SYNE1: variants seen among roughly 807,000 people sequenced by gnomAD.
The protein encoded by SYNE1 is nesprin-1.
A neutral mutation model predicts 1,111.0 loss-of-function variants in SYNE1; 616 were observed. That is an observed-to-expected ratio of 0.55 (90% CI 0.52 to 0.59). The LOEUF (loss-of-function observed/expected upper bound fraction) is 0.59. SYNE1 is among the 20% of genes least tolerant of loss of function. The pLI, the probability that SYNE1 is intolerant of heterozygous loss-of-function variation, is 0.00. For synonymous variants in SYNE1, 3,855 were observed against 3,825.8 expected, an observed-to-expected ratio of 1.01 and a Z score of -0.28; for missense variants, 10,006 against 10,417.0, an observed-to-expected ratio of 0.96 and a Z score of 1.72.
intron 3 of SYNE1, among the ~76,000 whole-genome samples, chr6:152,603,393 C>T (rs1187315828): frequency 3.9e-5 from 6 of 152,040 alleles, no homozygotes; most frequent in African/African-American, 9.7e-5. Flanking sequence ...TGAGTTTACA[C>T]GATTTTAAAC....
chr6:152,395,424 C>A, intron 51 of SYNE1, 92 bp downstream of exon 51: 1 of 1,376,588 alleles, frequency 7.3e-7, no homozygotes, highest in Non-Finnish European at 1.0e-6. Flanking sequence ...CACAAACCAA[C>A]TAACTAACCA....
chr6:152,219,454 C>T (rs983010899), intron 119 of SYNE1, among the ~76,000 whole-genome samples: 8 of 142,686 alleles, frequency 5.6e-5, no homozygotes, highest in African/African-American at 1.8e-4. Context: ...AGGTTCATTA[C>T]AGGACCTTGG....
At position 152,308,637 on chromosome 6, in the gene SYNE1, GAA is replaced by G. The variant is rs55633181; in HGVS notation, c.17203-7_17203-6del. The G allele has an allele frequency of 0.014, 20,416 of 1,456,672 alleles. 37 individuals are homozygous for G. Among genetic ancestry groups the G allele is most frequent in the Non-Finnish European group, 0.016 (17,611 of 1,086,384 alleles). 90.2% of individuals were successfully genotyped at this position (1,456,672 alleles called of 1,614,324 possible). A position where few individuals can be genotyped will look rare whatever the true frequency, so the allele number is the denominator to read the frequency against. Reference sequence around the variant, plus strand: ...TTCATATTGTACCACAGCTTCCTTTGAAAAAAAAAAAAAACAGAAAGATAGAC... The same window carrying G: ...TTCATATTGTACCACAGCTTCCTTTGAAAAAAAAAAAACAGAAAGATAGAC... On this transcript the variant is annotated splice_region_variant and splice_polypyrimidine_tract_variant and intron_variant, in intron 90 of 145. Transcript: ENST00000367255.
chr6:152,536,909 A>G (rs1303055011), intron 4 of SYNE1, among the ~76,000 whole-genome samples: 1 of 152,184 alleles, frequency 6.6e-6, no homozygotes, highest in East Asian at 1.9e-4. Flanking sequence ...GGTTAAATAA[A>G]TAAGAGATAA....
In SYNE1 at chr6:152,401,287, C is replaced by T. The variant is rs763813886; in HGVS notation, c.6880G>A (p.Val2294Ile). ...AAATCCTTCAGGGTTCCTTTTGCTACTTCAGTTATTTCTTTGGCATGCTCC... is the reference window on the plus strand; with the variant it reads ...AAATCCTTCAGGGTTCCTTTTGCTATTTCAGTTATTTCTTTGGCATGCTCC... ...KLEHAKEITE[V>I]AKGTLKDFTA... Residue 2294 changes from valine to isoleucine, a missense_variant, in exon 47 of 146, where the codon GTA becomes ATA. By Grantham distance (29) the Val-to-Ile change is conservative. Around this residue, in one of 7 missense-constraint regions of SYNE1, gnomAD observed 4,955 missense variants for 5,017.2 expected, o/e 0.99. Transcript: ENST00000367255. 13 of 1,614,094 alleles carry T rather than the reference C, an allele frequency of 8.1e-6. No individual in the cohort carries two copies. Among genetic ancestry groups the T allele is most frequent in the Non-Finnish European group, 9.3e-6 (11 of 1,180,014 alleles).
chr6:152,214,591 G>C (rs928529914), intron 122 of SYNE1, among the ~76,000 whole-genome samples: 2 of 152,114 alleles, frequency 1.3e-5, no homozygotes, highest in African/African-American at 4.8e-5. Context: ...TTTGTCAATG[G>C]GATTAAGGGT....
chr6:152,233,513 C>T (rs189443199), intron 112 of SYNE1, among the ~76,000 whole-genome samples: 9 of 152,104 alleles, frequency 5.9e-5, no homozygotes, highest in East Asian at 1.9e-4. Context: ...TTAGTAGAGA[C>T]GGGGTTTCAC....
chr6:152,364,540 G>C (rs1453234679), intron 63 of SYNE1, among the ~76,000 whole-genome samples: 3 of 151,014 alleles, frequency 2.0e-5, no homozygotes, highest in Non-Finnish European at 1.5e-5. Flanking sequence ...ACAGTATTCA[G>C]GTCAATCTAA....
At chr6:152,170,785 T>C (rs2065002442) in intron 130 of SYNE1, among the ~76,000 whole-genome samples, 1 of 152,218 alleles carries the variant, frequency 6.6e-6, no homozygotes, top group South Asian at 2.1e-4. Context: ...GAACATATTC[T>C]ATGCTTAGCG....
intron 135 of SYNE1, 40 bp downstream of exon 135, chr6:152,151,513 G>C (rs754700305): frequency 6.2e-7 from 1 of 1,611,638 alleles, no homozygotes; most frequent in Non-Finnish European, 8.5e-7. Flanking sequence ...TTCATTTTCA[G>C]GCTTTCTTCA....
chr6:152,559,274 A>T (rs528433664), intron 3 of SYNE1, among the ~76,000 whole-genome samples: 132 of 151,990 alleles, frequency 8.7e-4, no homozygotes, highest in African/African-American at 2.9e-3. Flanking sequence ...ATGTTTTAAA[A>T]TTTTTTTGTA....
intron 123 of SYNE1, among the ~76,000 whole-genome samples, chr6:152,212,406 C>G (rs2077692726): frequency 6.6e-6 from 1 of 152,014 alleles, no homozygotes; most frequent in African/African-American, 2.4e-5. Context: ...GGTTTCTTTC[C>G]CTTGGCATAA....
At chr6:152,332,128 C>A (rs1016824096) in intron 77 of SYNE1, among the ~76,000 whole-genome samples, 2 of 152,190 alleles carry the variant, frequency 1.3e-5, no homozygotes, top group African/African-American at 4.8e-5. Flanking sequence ...GCATGTGCCA[C>A]CATGCTCGGC....
chr6:152,439,230 C>G (rs1252304914), intron 32 of SYNE1, among the ~76,000 whole-genome samples: 1 of 152,132 alleles, frequency 6.6e-6, no homozygotes, highest in African/African-American at 2.4e-5. Flanking sequence ...CCATTTGTTT[C>G]AATCTACAGG....
chr6:152,369,834 T>C (rs1487630625), intron 59 of SYNE1, among the ~76,000 whole-genome samples: 1 of 151,710 alleles, frequency 6.6e-6, no homozygotes, highest in Non-Finnish European at 1.5e-5. Context: ...ATACAAAAAA[T>C]TAGCCAGCCA....
At chr6:152,566,070 A>AT (rs1402487255) in intron 3 of SYNE1, among the ~76,000 whole-genome samples, 2 of 152,244 alleles carry the variant, frequency 1.3e-5, no homozygotes, top group Non-Finnish European at 1.5e-5. Flanking sequence ...TTGAAAAATT[A>AT]TTTTTTTCTT....
chr6:152,159,856 T>C (rs2062096095), intron 131 of SYNE1, among the ~76,000 whole-genome samples: 1 of 152,182 alleles, frequency 6.6e-6, no homozygotes. Context: ...TATGAATTCT[T>C]GTATAGTAGA....
At chr6:152,463,248 G>T in intron 19 of SYNE1, 105 bp downstream of exon 19, 1 of 1,496,586 alleles carries the variant, frequency 6.7e-7, no homozygotes, top group South Asian at 1.2e-5. Flanking sequence ...TCTATGCTTT[G>T]CCTTAATAAA....
chr6:152,554,551 C>G (rs2099358697), intron 3 of SYNE1, among the ~76,000 whole-genome samples: 1 of 152,118 alleles, frequency 6.6e-6, no homozygotes, highest in Admixed American at 6.5e-5. Context: ...TCTTAGACAT[C>G]TTAGTTTTTT....
Sources: allele counts gnomAD v4.1 joint callset (sites outside exome capture counted in the v4.1 genomes callset), GRCh38; gene constraint gnomAD v4.1.1; regional missense constraint gnomAD v4.1.1; transcripts MANE v1.5; gene names NCBI Gene and HGNC (gene_info 2026-07-23, HGNC 2026-07-21).